MYO3B: variants seen among roughly 807,000 people sequenced by gnomAD.
The protein encoded by MYO3B is myosin-IIIb.
In MYO3B, 156 loss-of-function variants were observed where a neutral mutation model predicts 174.6. The ratio of observed to expected loss-of-function variants is 0.89; its 90% CI spans 0.78 to 1.02. The LOEUF (loss-of-function observed/expected upper bound fraction) is 1.02, where lower values mean the gene tolerates loss of function less well. Ranked by LOEUF, MYO3B falls within the 50% of genes least tolerant of loss-of-function variation. The pLI, the probability that MYO3B is intolerant of heterozygous loss-of-function variation, is 0.00. For missense variants in MYO3B, 1,632 were observed against 1,639.4 expected (o/e 1.00, Z 0.08); for synonymous variants, 563 against 569.1 (o/e 0.99, Z 0.15).
At chr2:170,440,747 T>C (rs1466504845) in intron 22 of MYO3B, among the ~76,000 whole-genome samples, 1 of 149,904 alleles carries the variant, frequency 6.7e-6, no homozygotes, top group Admixed American at 6.6e-5. Flanking sequence ...AGTGAGACTC[T>C]GTCTGAAAAA....
intron 9 of MYO3B, among the ~76,000 whole-genome samples, chr2:170,375,718 C>T (rs1426925471): frequency 1.3e-5 from 1 of 78,656 alleles, no homozygotes; most frequent in African/African-American, 3.1e-5. Flanking sequence ...TATGTGCATG[C>T]ATGCACACAC....
chr2:170,377,202 T>C (rs1467306031), intron 9 of MYO3B, among the ~76,000 whole-genome samples: 1 of 152,202 alleles, frequency 6.6e-6, no homozygotes, highest in Non-Finnish European at 1.5e-5. Context: ...GACACAGAAA[T>C]GGTTTTAACC....
intron 7 of MYO3B, among the ~76,000 whole-genome samples, chr2:170,314,861 G>A (rs1358636489): frequency 1.3e-5 from 2 of 152,102 alleles, no homozygotes; most frequent in Non-Finnish European, 2.9e-5. Flanking sequence ...CGCTACAGCT[G>A]TATTACTCAA....
intron 32 of MYO3B, among the ~76,000 whole-genome samples, chr2:170,557,324 A>G (rs1484937481): frequency 6.6e-6 from 1 of 151,732 alleles, no homozygotes; most frequent in Non-Finnish European, 1.5e-5. Context: ...TATTTTTAGT[A>G]GAGATGGGGT....
At chr2:170,613,611 G>A (rs1695257030) in intron 32 of MYO3B, among the ~76,000 whole-genome samples, 1 of 152,174 alleles carries the variant, frequency 6.6e-6, no homozygotes, top group East Asian at 1.9e-4. Flanking sequence ...AGGATACAAA[G>A]TATTGATCCT....
intron 7 of MYO3B, among the ~76,000 whole-genome samples, chr2:170,262,194 A>C (rs771229673): frequency 1.3e-5 from 2 of 152,242 alleles, no homozygotes; most frequent in Non-Finnish European, 2.9e-5. Flanking sequence ...CAGAATTTTC[A>C]AAAGGATGGG....
intron 23 of MYO3B, among the ~76,000 whole-genome samples, chr2:170,445,672 T>G (rs1250617494): frequency 6.6e-6 from 1 of 151,998 alleles, no homozygotes; most frequent in Non-Finnish European, 1.5e-5. Flanking sequence ...CTCACTCTTA[T>G]GGTCCAGGCT....
chr2:170,190,707 A>C (rs995252468), intron 1 of MYO3B, among the ~76,000 whole-genome samples: 4 of 152,038 alleles, frequency 2.6e-5, no homozygotes, highest in African/African-American at 9.7e-5. Context: ...GCTTATGATG[A>C]ATGCTGCCAG....
chr2:170,365,172 C>T (rs1288404735), intron 8 of MYO3B, among the ~76,000 whole-genome samples: 1 of 152,142 alleles, frequency 6.6e-6, no homozygotes, highest in Non-Finnish European at 1.5e-5. Context: ...TTTAACAACA[C>T]GGAACAAAGC....
At chr2:170,373,609 G>C (rs1303077830) in intron 9 of MYO3B, among the ~76,000 whole-genome samples, 1 of 152,126 alleles carries the variant, frequency 6.6e-6, no homozygotes, top group Non-Finnish European at 1.5e-5. Context: ...CACTTGGACA[G>C]GTAAAGGGGA....
chr2:170,531,309 C>G (rs1040438041), intron 30 of MYO3B, among the ~76,000 whole-genome samples: 2 of 152,176 alleles, frequency 1.3e-5, no homozygotes, highest in Non-Finnish European at 2.9e-5. Context: ...TGTAACCCAG[C>G]TTTTAAAGCC....
intron 9 of MYO3B, among the ~76,000 whole-genome samples, chr2:170,374,483 A>T (rs916319522): frequency 1.3e-5 from 2 of 152,176 alleles, no homozygotes; most frequent in Admixed American, 1.3e-4. Context: ...GAATAGAAAG[A>T]AATGTTTTTT....
chr2:170,435,032 C>T (rs1297131320), intron 22 of MYO3B, among the ~76,000 whole-genome samples: 1 of 152,212 alleles, frequency 6.6e-6, no homozygotes, highest in East Asian at 1.9e-4. Context: ...TTGTTAGCTA[C>T]AGTGTTATAA....
intron 32 of MYO3B, among the ~76,000 whole-genome samples, chr2:170,627,221 C>G (rs1043122966): frequency 6.6e-6 from 1 of 152,330 alleles, no homozygotes; most frequent in Admixed American, 6.5e-5. Context: ...TTCACATAGT[C>G]CCCTATTTCT....
chr2:170,373,567 G>T, intron 9 of MYO3B, among the ~76,000 whole-genome samples: 1 of 152,120 alleles, frequency 6.6e-6, no homozygotes, highest in Non-Finnish European at 1.5e-5. Context: ...CAGGATGCAG[G>T]GAAGAATGCA....
chr2:170,222,332 A>T (rs898294908), intron 6 of MYO3B, among the ~76,000 whole-genome samples: 2 of 152,342 alleles, frequency 1.3e-5, no homozygotes, highest in African/African-American at 4.8e-5. Context: ...TTTCCACCCT[A>T]TATTTATTTT....
chr2:170,366,919 TTCTC>T (rs1453517400), intron 8 of MYO3B, among the ~76,000 whole-genome samples: 1 of 152,156 alleles, frequency 6.6e-6, no homozygotes, highest in African/African-American at 2.4e-5. Context: ...TTCCTAGTCT[TTCTC>T]AATCCCTGTT....
chr2:170,214,884 A>G, intron 5 of MYO3B, 56 bp downstream of exon 5: 1 of 1,285,510 alleles, frequency 7.8e-7, no homozygotes, highest in Non-Finnish European at 1.1e-6. Flanking sequence ...CAAAGGGGAC[A>G]ATTTATTGCA....
rs557363060 is a variant in MYO3B at position 170,415,505 on chromosome 2, A to T, written c.2650+7661A>T. ...AGCTCCAAGAAGGTAGGGAATTTTT[A>T]TCTCATTTGTCCATTACTGTGTCCT... is the stretch of plus-strand genomic sequence containing the variant. On this transcript the variant is annotated intron_variant, in intron 22 of 34. Coordinates refer to ENST00000408978, the MANE Select transcript of MYO3B (RefSeq NM_138995.5). 1.1e-4 allele frequency among the ~76,000 whole-genome samples: 16 copies of T among 152,308 alleles called. No individual in the cohort carries two copies. The East Asian group carries it at 3.1e-3, about 29-fold the overall frequency.
Sources: allele counts gnomAD v4.1 joint callset (sites outside exome capture counted in the v4.1 genomes callset), GRCh38; gene constraint gnomAD v4.1.1; transcripts MANE v1.5; gene names NCBI Gene and HGNC (gene_info 2026-07-23, HGNC 2026-07-21).